ARSB: variants seen among roughly 807,000 people sequenced by gnomAD.
ARSB encodes N-acetylgalactosamine-4-sulfatase.
ARSB carries 41 observed loss-of-function variants against 50.9 expected under a neutral mutation model. The ratio of observed to expected loss-of-function variants is 0.81; its 90% CI spans 0.63 to 1.04. The LOEUF is 1.04. Among genes scored for constraint, ARSB ranks in the 50% least tolerant of loss-of-function variants. The pLI is 0.00. For synonymous variants in ARSB, 269 were observed against 284.8 expected, an observed-to-expected ratio of 0.94 and a Z score of 0.56; for missense variants, 672 against 693.3, an observed-to-expected ratio of 0.97 and a Z score of 0.35.
intron 5 of ARSB, among the ~76,000 whole-genome samples, chr5:78,879,812 C>T (rs1195284627): frequency 1.3e-5 from 2 of 152,104 alleles, no homozygotes; most frequent in East Asian, 3.8e-4. Context: ...GTGAGAAGCA[C>T]CAACTTCATT....
intron 4 of ARSB, among the ~76,000 whole-genome samples, chr5:78,949,801 T>C (rs1235125357): frequency 6.6e-6 from 1 of 151,906 alleles, no homozygotes; most frequent in East Asian, 1.9e-4. Context: ...TCCCAGCTAT[T>C]TGGGAGGCTG....
At chr5:78,980,736 G>A (rs939787423) in intron 1 of ARSB, among the ~76,000 whole-genome samples, 2 of 142,758 alleles carry the variant, frequency 1.4e-5, no homozygotes, top group Admixed American at 7.4e-5. Context: ...GTGTGTGTAT[G>A]TGTGTGTGTG....
intron 4 of ARSB, among the ~76,000 whole-genome samples, chr5:78,937,449 T>G (rs575070682): frequency 6.9e-6 from 1 of 145,108 alleles, no homozygotes; most frequent in Non-Finnish European, 1.5e-5. Context: ...ATATATATCT[T>G]ATATATATAA....
chr5:78,798,715 C>A (rs369238667), intron 6 of ARSB, among the ~76,000 whole-genome samples: 1 of 152,194 alleles, frequency 6.6e-6, no homozygotes, highest in Non-Finnish European at 1.5e-5. Flanking sequence ...ACGGAATCAG[C>A]CTTTTAATGG....
intron 5 of ARSB, among the ~76,000 whole-genome samples, chr5:78,871,267 A>T (rs962243935): frequency 3.3e-5 from 5 of 152,096 alleles, no homozygotes; most frequent in African/African-American, 9.7e-5. Flanking sequence ...TTCAATGCCA[A>T]CCCCATCAAG....
chr5:78,822,745 C>G (rs1013072714), intron 6 of ARSB, among the ~76,000 whole-genome samples: 1 of 152,176 alleles, frequency 6.6e-6, no homozygotes, highest in Non-Finnish European at 1.5e-5. Context: ...TCACGCCATT[C>G]TCCTGCCTCA....
At chr5:78,812,814 G>A (rs879539270) in intron 6 of ARSB, among the ~76,000 whole-genome samples, 5 of 151,984 alleles carry the variant, frequency 3.3e-5, no homozygotes, top group Non-Finnish European at 4.4e-5. Flanking sequence ...GTAACATGGC[G>A]AAACCCTGTC....
At chr5:78,791,860 A>T (rs912490762) in intron 6 of ARSB, among the ~76,000 whole-genome samples, 2 of 152,174 alleles carry the variant, frequency 1.3e-5, no homozygotes, top group African/African-American at 4.8e-5. Context: ...AGATGAAAAA[A>T]GCCCCTAACA....
chr5:78,832,441 C>T (rs891171332), intron 6 of ARSB, among the ~76,000 whole-genome samples: 3 of 152,040 alleles, frequency 2.0e-5, no homozygotes, highest in Admixed American at 6.6e-5. Flanking sequence ...TAACTGATCT[C>T]GAGTATTTAT....
At chr5:78,819,351 C>CTGTA (rs1189177204) in intron 6 of ARSB, among the ~76,000 whole-genome samples, 1 of 152,206 alleles carries the variant, frequency 6.6e-6, no homozygotes, top group African/African-American at 2.4e-5. Flanking sequence ...AGTGCATTCC[C>CTGTA]TGTATGTGAA....
chr5:78,827,112 T>C (rs572289981), intron 6 of ARSB, among the ~76,000 whole-genome samples: 2 of 152,286 alleles, frequency 1.3e-5, no homozygotes, highest in East Asian at 3.9e-4. Context: ...CACCTAGACA[T>C]GATTTTCTCT....
chr5:78,920,030 T>C (rs1580061099), intron 4 of ARSB, among the ~76,000 whole-genome samples: 1 of 144,984 alleles, frequency 6.9e-6, no homozygotes, highest in Middle Eastern at 3.5e-3. Flanking sequence ...GGAGCATGAA[T>C]GCATTTTCAG....
intron 4 of ARSB, among the ~76,000 whole-genome samples, chr5:78,898,113 C>T (rs539935651): frequency 5.3e-5 from 8 of 152,034 alleles, no homozygotes; most frequent in Admixed American, 1.3e-4. Context: ...ACTAAAAATA[C>T]AAAAATTAGC....
chr5:78,944,718 G>A (rs1020036449), intron 4 of ARSB, among the ~76,000 whole-genome samples: 44 of 152,276 alleles, frequency 2.9e-4, no homozygotes, highest in African/African-American at 7.5e-4. Context: ...TAGGCTACTC[G>A]GGGGTCAGGG....
At chr5:78,855,301 C>T (rs1195835255) in intron 5 of ARSB, among the ~76,000 whole-genome samples, 4 of 152,174 alleles carry the variant, frequency 2.6e-5, no homozygotes, top group East Asian at 3.9e-4. Context: ...TAGGATGCAG[C>T]GTGCTGCTTT....
At chr5:78,978,332 T>C (rs1752752876) in intron 1 of ARSB, among the ~76,000 whole-genome samples, 1 of 29,268 alleles carries the variant, frequency 3.4e-5, no homozygotes, top group African/African-American at 1.2e-4. Context: ...TGAGACTCTG[T>C]CTTAAAAAAA....
At chr5:78,855,291 T>C (rs1746081591) in intron 5 of ARSB, among the ~76,000 whole-genome samples, 1 of 152,182 alleles carries the variant, frequency 6.6e-6, no homozygotes, top group African/African-American at 2.4e-5. Flanking sequence ...ACCATTTCCC[T>C]AGGATGCAGC....
chr5:78,782,224 C>T (rs544640945), intron 6 of ARSB, among the ~76,000 whole-genome samples: 7 of 152,276 alleles, frequency 4.6e-5, no homozygotes, highest in Admixed American at 1.3e-4. Context: ...TCCTTAAAAT[C>T]GCTATGTTCT....
At chr5:78,849,530 G>C (rs1474940582) in intron 5 of ARSB, among the ~76,000 whole-genome samples, 1 of 152,000 alleles carries the variant, frequency 6.6e-6, no homozygotes, top group African/African-American at 2.4e-5. Context: ...TTTGGCTTAG[G>C]ATTGACTTGG....
Sources: gnomAD v4.1 joint callset for allele counts (sites outside exome capture counted in the v4.1 genomes callset) on GRCh38, gnomAD v4.1.1 for gene constraint, MANE v1.5 for transcripts, NCBI Gene and HGNC (gene_info 2026-07-23, HGNC 2026-07-21) for gene names.